The following CSMD1 variants were observed in gnomAD, a reference collection of about 807,000 sequenced individuals.
CSMD1 encodes the protein CUB and Sushi multiple domains 1.
A neutral mutation model predicts 417.5 loss-of-function variants in CSMD1; 213 were observed. The observed-to-expected ratio is 0.51, with a 90% confidence interval of 0.46 to 0.57. CSMD1 has a LOEUF of 0.57. Ranked by LOEUF, CSMD1 falls within the 20% of genes least tolerant of loss-of-function variation. The pLI is 0.00. For synonymous variants in CSMD1, 2,862 were observed against 1,736.8 expected (o/e 1.65, Z -16.11); for missense variants, 6,923 against 4,529.7 (o/e 1.53, Z -15.17).
chr8:4,965,541 T>C (rs560694098), intron 1 of CSMD1, among the ~76,000 whole-genome samples: 1 of 152,340 alleles, frequency 6.6e-6, no homozygotes, highest in South Asian at 2.1e-4. Flanking sequence ...CTGGCCAAAC[T>C]GTTTAACATC....
chr8:3,669,709 G>A (rs1364384477), intron 7 of CSMD1, among the ~76,000 whole-genome samples: 1 of 152,072 alleles, frequency 6.6e-6, no homozygotes, highest in Non-Finnish European at 1.5e-5. Context: ...TAGGAACTGG[G>A]TACAAAGAGG....
chr8:3,944,346 A>T (rs1811084863), intron 5 of CSMD1, among the ~76,000 whole-genome samples: 1 of 152,138 alleles, frequency 6.6e-6, no homozygotes, highest in Non-Finnish European at 1.5e-5. Flanking sequence ...TTAAAGAATA[A>T]TTTTTGTACC....
Position 3,129,717 on chromosome 8 carries a change from G to A in CSMD1, c.6242-11130C>T, listed in dbSNP as rs577612176. ...AAAACTGTGGAGCTGGGCCGGGCGGGGTGGCTCATGTTTGTAATCCCAGCA... is the reference window on the plus strand; with the variant it reads ...AAAACTGTGGAGCTGGGCCGGGCGGAGTGGCTCATGTTTGTAATCCCAGCA... On this transcript the variant is annotated intron_variant, in intron 41 of 69. Transcript: ENST00000635120. 2.0e-3 allele frequency among the ~76,000 whole-genome samples: 298 copies of A among 147,352 alleles called. 2 individuals are homozygous for A. Among genetic ancestry groups the A allele is most frequent in the Non-Finnish European group, 2.0e-3 (133 of 66,792 alleles).
intron 3 of CSMD1, among the ~76,000 whole-genome samples, chr8:4,304,076 C>G (rs959323287): frequency 5.3e-5 from 8 of 152,102 alleles, no homozygotes; most frequent in East Asian, 1.9e-4. Context: ...CGATGAAACC[C>G]TTGAAATACC....
chr8:4,382,289 C>G (rs186430053), intron 3 of CSMD1, among the ~76,000 whole-genome samples: 1 of 152,266 alleles, frequency 6.6e-6, no homozygotes, highest in African/African-American at 2.4e-5. Context: ...TTATTGAGTT[C>G]TTTATCCAGA....
At chr8:4,653,971 T>G (rs1804069416) in intron 1 of CSMD1, among the ~76,000 whole-genome samples, 1 of 152,138 alleles carries the variant, frequency 6.6e-6, no homozygotes. Flanking sequence ...TTGGTTTCAT[T>G]TACTCATGAT....
chr8:3,852,747 C>T (rs1429165996), intron 5 of CSMD1, among the ~76,000 whole-genome samples: 1 of 152,046 alleles, frequency 6.6e-6, no homozygotes, highest in Non-Finnish European at 1.5e-5. Flanking sequence ...GCGTCTGCAT[C>T]TCCCGCTGCA....
At chr8:3,998,290 C>G (rs1055949990) in intron 4 of CSMD1, among the ~76,000 whole-genome samples, 180 bp from the exon 5 acceptor site, 2 of 152,098 alleles carry the variant, frequency 1.3e-5, no homozygotes, top group Non-Finnish European at 1.5e-5. Context: ...GCTTACAAGA[C>G]TCTAACATTT....
intron 3 of CSMD1, among the ~76,000 whole-genome samples, chr8:4,101,926 G>A (rs1404203480): frequency 6.6e-6 from 1 of 152,110 alleles, no homozygotes; most frequent in African/African-American, 2.4e-5. Context: ...TTTTCCCAGT[G>A]GACTTGCTGT....
chr8:3,608,522 G>C (rs1202891739), intron 8 of CSMD1, among the ~76,000 whole-genome samples: 1 of 152,034 alleles, frequency 6.6e-6, no homozygotes, highest in African/African-American at 2.4e-5. Flanking sequence ...CCAGCACTTA[G>C]GGAGGCCAAG....
intron 25 of CSMD1, among the ~76,000 whole-genome samples, chr8:3,303,186 T>C (rs1227020965): frequency 6.6e-6 from 1 of 152,222 alleles, no homozygotes; most frequent in Non-Finnish European, 1.5e-5. Flanking sequence ...CTTTCTGTCC[T>C]GTCAGGAAAA....
chr8:4,593,135 G>A (rs994884707), intron 2 of CSMD1, among the ~76,000 whole-genome samples: 5 of 152,130 alleles, frequency 3.3e-5, no homozygotes, highest in Non-Finnish European at 7.4e-5. Flanking sequence ...GGTGAATGGA[G>A]GATGCTGAGG....
intron 52 of CSMD1, among the ~76,000 whole-genome samples, chr8:3,013,064 T>C (rs1193089922): frequency 2.0e-5 from 3 of 152,158 alleles, no homozygotes; most frequent in Admixed American, 6.5e-5. Flanking sequence ...CCCAGCCAGG[T>C]GGAACTGTGA....
chr8:4,298,351 A>G (rs1297846214), intron 3 of CSMD1, among the ~76,000 whole-genome samples: 2 of 152,124 alleles, frequency 1.3e-5, no homozygotes, highest in African/African-American at 4.8e-5. Flanking sequence ...CCATGACATC[A>G]GTTTACTGTA....
At chr8:3,511,792 C>T (rs1243094684) in intron 10 of CSMD1, among the ~76,000 whole-genome samples, 2 of 149,996 alleles carry the variant, frequency 1.3e-5, no homozygotes, top group Non-Finnish European at 3.0e-5. Flanking sequence ...CATAACATAA[C>T]ATAACATAAC....
chr8:4,590,723 T>G (rs1280909692), intron 2 of CSMD1, among the ~76,000 whole-genome samples: 1 of 152,212 alleles, frequency 6.6e-6, no homozygotes, highest in Non-Finnish European at 1.5e-5. Context: ...TTTTGTTGTT[T>G]GTTGCTTTTA....
chr8:4,640,985 G>A (rs1329611780), intron 1 of CSMD1, among the ~76,000 whole-genome samples: 1 of 150,712 alleles, frequency 6.6e-6, no homozygotes, highest in Non-Finnish European at 1.5e-5. Context: ...ATATATATAT[G>A]TATGTGTATA....
intron 1 of CSMD1, among the ~76,000 whole-genome samples, chr8:4,943,895 C>T (rs185528354): frequency 3.3e-5 from 5 of 152,080 alleles, no homozygotes; most frequent in East Asian, 1.9e-4. Context: ...CTTAAAGGTA[C>T]GCAGAATTGC....
chr8:4,209,570 T>C (rs950993648), intron 3 of CSMD1, among the ~76,000 whole-genome samples: 1 of 152,164 alleles, frequency 6.6e-6, no homozygotes, highest in Non-Finnish European at 1.5e-5. Context: ...CTTCTGGCAT[T>C]TGTCCACCTG....
Sources: gnomAD v4.1 joint callset for allele counts (sites outside exome capture counted in the v4.1 genomes callset) on GRCh38, gnomAD v4.1.1 for gene constraint, MANE v1.5 for transcripts, NCBI Gene and HGNC (gene_info 2026-07-23, HGNC 2026-07-21) for gene names.